Variants in ST6GALNAC1 observed in about 807,000 individuals in gnomAD.
ST6GALNAC1 encodes alpha-N-acetylgalactosaminide alpha-2,6-sialyltransferase 1.
ST6GALNAC1 carries 45 observed loss-of-function variants against 56.8 expected under a neutral mutation model. The observed-to-expected ratio is 0.79, with a 90% CI of 0.62 to 1.02. ST6GALNAC1 has a LOEUF of 1.02. ST6GALNAC1 is among the 50% of genes least tolerant of loss of function. ST6GALNAC1 has a pLI of 0.00. For synonymous variants in ST6GALNAC1, 295 were observed against 297.8 expected (o/e 0.99, Z 0.10); for missense variants, 743 against 754.8 (o/e 0.98, Z 0.18).
chr17:76,626,250 C>T (rs755344364), intron 6 of ST6GALNAC1, 39 bp downstream of exon 6: 1 of 1,605,686 alleles, frequency 6.2e-7, no homozygotes, highest in South Asian at 1.1e-5. Flanking sequence ...TGACATGGCT[C>T]AGCCTGGGAT....
downstream of ST6GALNAC1, among the ~76,000 whole-genome samples, chr17:76,621,583 C>T (rs1019724005): frequency 1.3e-5 from 2 of 152,120 alleles, no homozygotes; most frequent in African/African-American, 4.8e-5. Context: ...TCAAGCAATG[C>T]TCCTGCCTCA....
chr17:76,636,485 A>G (rs1173726578), intron 1 of ST6GALNAC1, among the ~76,000 whole-genome samples: 1 of 151,750 alleles, frequency 6.6e-6, no homozygotes, highest in Non-Finnish European at 1.5e-5. Flanking sequence ...AGACCCCTGG[A>G]AAAAAAAAGA....
chr17:76,622,643 G>A (rs567388284), downstream of ST6GALNAC1, among the ~76,000 whole-genome samples: 1 of 152,172 alleles, frequency 6.6e-6, no homozygotes, highest in African/African-American at 2.4e-5. Context: ...GATTATAGGC[G>A]TGAGCCACCG....
At position 76,625,527 on chromosome 17, in the gene ST6GALNAC1, C is replaced by A; in HGVS notation, c.1606G>T (p.Val536Leu). The change falls in exon 9 of 9, where the codon GTG becomes TTG. Residue 536 changes from valine (V) to leucine (L), a missense_variant and splice_region_variant. Physicochemically the swap from Val to Leu is conservative, Grantham distance 32 (BLOSUM62 1). Coordinates refer to ENST00000156626, the MANE Select transcript of ST6GALNAC1 (RefSeq NM_018414.5). ...LLTALQLCDQ[V>L]SAYGFITEGH... ...TCAGTGATGAAGCCATAAGCACTCACCTACATCACGGTTGGAGGAGAAACA... is the reference window on the plus strand; with the variant it reads ...TCAGTGATGAAGCCATAAGCACTCAACTACATCACGGTTGGAGGAGAAACA... The A allele has an allele frequency of 6.2e-7, 1 of 1,613,636 alleles. No individual in the cohort carries two copies. Among genetic ancestry groups the A allele is most frequent in the Non-Finnish European group, 8.5e-7 (1 of 1,180,010 alleles).
chr17:76,630,888 A>AT (rs939007475), intron 1 of ST6GALNAC1, among the ~76,000 whole-genome samples: 4,454 of 123,306 alleles, frequency 0.036, 211 homozygotes, highest in African/African-American at 0.11. Flanking sequence ...ACCGCGCCCA[A>AT]TTTTTTTTTT....
At chr17:76,618,296 G>A in the ST6GALNAC1 span, among the ~76,000 whole-genome samples, 7 of 152,136 alleles carry the variant, frequency 4.6e-5, no homozygotes, top group South Asian at 2.1e-4. Context: ...AGGAGAATGC[G>A]GGTGTGGGGG....
In ST6GALNAC1 at chr17:76,629,425, T is replaced by G; in HGVS notation, c.418A>C (p.Arg140=). The change falls in exon 2 of 9, where the codon AGA becomes CGA. Residue 140 remains arginine (R), a synonymous_variant. Transcript: ENST00000156626. The stretch of plus-strand genomic sequence containing the variant: ...GAGGCCATCCCTGCATCTTGCCCTC[T>G]GGGTGACAGTGTGTTCACCATGGTT... The part of the protein sequence containing the change: ...EKTMVNTLSP[R]GQDAGMASGR... The G allele has an allele frequency of 6.2e-7, 1 of 1,614,214 alleles. No individual in the cohort carries two copies. Among genetic ancestry groups the G allele is most frequent in the Non-Finnish European group, 8.5e-7 (1 of 1,180,032 alleles).
chr17:76,639,675 A>G lies in ST6GALNAC1; in HGVS notation c.131+3833T>C, dbSNP rs1412416608. Among the ~76,000 whole-genome samples, 28 of 147,190 alleles carry G rather than the reference A, an allele frequency of 1.9e-4. 1 individual carries two copies. The stretch of plus-strand genomic sequence containing the variant: ...CACACACACACACACACACACACAC[A>G]CACACACACACACACACACACTAGG... On this transcript the variant is annotated intron_variant, in intron 1 of 8. Coordinates refer to ENST00000156626, the MANE Select transcript of ST6GALNAC1 (RefSeq NM_018414.5).
At chr17:76,636,570 A>G (rs923731282) in intron 1 of ST6GALNAC1, among the ~76,000 whole-genome samples, 2 of 152,106 alleles carry the variant, frequency 1.3e-5, no homozygotes, top group African/African-American at 4.8e-5. Context: ...ACGCCACTGC[A>G]CTCCAGCCTG....
At position 76,627,098 on chromosome 17, in the gene ST6GALNAC1, G is replaced by A. The variant is rs770273240; in HGVS notation, c.1141C>T (p.Gln381Ter). ...ACGTAGTCGTGACTGTCTATCTCCT[G>A]GCCCATGTGGGAGTTGTTCAGGATG... is the stretch of plus-strand genomic sequence containing the variant. ...GGILNNSHMG[Q>*]EIDSHDYVFR... is the part of the protein sequence containing the mutation. Residue 381 changes from glutamine (Q) to a stop codon, truncating the protein, a stop_gained, in exon 4 of 9, where the codon CAG becomes TAG. Coordinates refer to ENST00000156626, the MANE Select transcript of ST6GALNAC1 (RefSeq NM_018414.5). LOFTEE classifies it high-confidence loss of function. This position sits in a 1 kb window ranked among gnomAD's most constrained non-coding sequence, Gnocchi z 4.4. 3.6e-5 allele frequency: 56 copies of A among 1,573,362 alleles called. No individual in the cohort carries two copies. In the Admixed American group the frequency reaches 1.0e-3, roughly 29 times the overall value.
downstream of ST6GALNAC1, among the ~76,000 whole-genome samples, chr17:76,624,237 T>G (rs1329346200): frequency 6.6e-6 from 1 of 151,990 alleles, no homozygotes. Context: ...ATTTGTTTAT[T>G]TATTTATTAT....
chr17:76,618,220 A>G, the ST6GALNAC1 span, among the ~76,000 whole-genome samples: 1 of 152,332 alleles, frequency 6.6e-6, no homozygotes, highest in South Asian at 2.1e-4. Context: ...GGCTATTATT[A>G]TTCCCTCTAG....
At chr17:76,631,131 A>G (rs1170253942) in intron 1 of ST6GALNAC1, among the ~76,000 whole-genome samples, 4 of 151,042 alleles carry the variant, frequency 2.6e-5, no homozygotes, top group African/African-American at 9.7e-5. Context: ...GTGTTTAGAG[A>G]CTGGATCTCA....
At position 76,643,658 on chromosome 17, in the gene ST6GALNAC1, G is replaced by A; in HGVS notation, c.-20C>T. 6.2e-7 allele frequency: 1 copy of A among 1,612,948 alleles called. No individual in the cohort carries two copies. The highest frequency in any genetic ancestry group is 8.5e-7 in the Non-Finnish European group (1 of 1,179,452). On this transcript the variant is annotated 5_prime_UTR_variant, in exon 1 of 9. Coordinates refer to ENST00000156626, the MANE Select transcript of ST6GALNAC1 (RefSeq NM_018414.5). Reference sequence around the variant, plus strand: ...CCTCATGGTGGTGGGTCGGGTTCTAGAGGAAGGTTCTGCATGTCCTGGGGC... The same window carrying A: ...CCTCATGGTGGTGGGTCGGGTTCTAAAGGAAGGTTCTGCATGTCCTGGGGC...
At position 76,629,020 on chromosome 17, in the gene ST6GALNAC1, G is replaced by A. The variant is rs764046282; in HGVS notation, c.823C>T (p.Leu275Phe). Residue 275 changes from leucine to phenylalanine, a missense_variant, in exon 2 of 9, where the codon CTT (leucine) becomes TTT (phenylalanine). Coordinates refer to ENST00000156626, the MANE Select transcript of ST6GALNAC1 (RefSeq NM_018414.5). ...EEKYSFEIGG[L>F]QTTCPDSVKI... ...TGGTGGCAAAAACTCACCGTCTGAA[G>A]GCCTCCTATTTCGAAGCTGTATTTT... The A allele has an allele frequency of 6.5e-7, 1 of 1,528,632 alleles. No homozygotes were observed. The highest frequency in any genetic ancestry group is 8.8e-7 in the Non-Finnish European group (1 of 1,139,392). The allele number at this position is 1,528,632 out of a possible 1,614,324, so 94.7% of individuals were successfully genotyped here. A position where few individuals can be genotyped will look rare whatever the true frequency, so the allele number is the denominator to read the frequency against.
rs540427300 is a variant in ST6GALNAC1 at position 76,643,689 on chromosome 17, T to A, written c.-51A>T. ...GGTTCTGCATGTCCTGGGGCCTTGA[T>A]GTAGGCAGCTGGGAGTCTCACCGCT... On this transcript the variant is annotated 5_prime_UTR_variant, in exon 1 of 9. Transcript: ENST00000156626. 6.3e-7 allele frequency: 1 copy of A among 1,593,378 alleles called. No homozygotes were observed. The highest frequency in any genetic ancestry group is 2.2e-5 in the East Asian group (1 of 44,484).
In ST6GALNAC1 at chr17:76,625,666, C is replaced by T. The variant is rs995977477; in HGVS notation, c.1606-139G>A. The T allele has an allele frequency of 2.0e-4, 237 of 1,160,202 alleles. No individual in the cohort carries two copies. The Middle Eastern group carries it at 2.6e-3, about 13-fold the overall frequency. The allele number at this position is 1,160,202 out of a possible 1,614,324, so 71.9% of individuals were successfully genotyped here. A position where few individuals can be genotyped will look rare whatever the true frequency, so the allele number is the denominator to read the frequency against. On this transcript the variant is annotated intron_variant, in intron 8 of 8. Coordinates refer to ENST00000156626, the MANE Select transcript of ST6GALNAC1 (RefSeq NM_018414.5). ...GGGTCTGGGTGCAGGTCCCTGGATA[C>T]GCACGCATAACTGCATGCACCCATA...
chr17:76,628,774 TGTCCACACCAGGG>T (rs1178602999), intron 2 of ST6GALNAC1, among the ~76,000 whole-genome samples: 1 of 152,182 alleles, frequency 6.6e-6, no homozygotes, highest in African/African-American at 2.4e-5. Flanking sequence ...CCTCTTACGC[TGTCCACACCAGGG>T]GTCCGGGGCC....
rs2143415118 is a variant in ST6GALNAC1 at position 76,626,372 on chromosome 17, G to A, written c.1332C>T (p.Phe444=). Residue 444 remains phenylalanine (F), a synonymous_variant, in exon 6 of 9, where the codon TTC becomes TTT. Coordinates refer to ENST00000156626, the MANE Select transcript of ST6GALNAC1 (RefSeq NM_018414.5). The stretch of plus-strand genomic sequence containing the variant: ...ACTCATAGTCCCGGGTGCCTTCCAG[G>A]AAGTGCAAGTAGCGGACGTCCTGAG... ...PLGKDVRYLH[F]LEGTRDYEWL... is the part of the protein sequence containing the mutation. The A allele has an allele frequency of 6.2e-7, 1 of 1,614,160 alleles. No individual in the cohort carries two copies. The highest frequency in any genetic ancestry group is 2.2e-5 in the East Asian group (1 of 44,892).
Sources: gnomAD v4.1 joint callset for allele counts (sites outside exome capture counted in the v4.1 genomes callset) on GRCh38, gnomAD v4.1.1 for gene constraint, Gnocchi (gnomAD v3.1) non-coding constraint, MANE v1.5 for transcripts, NCBI Gene and HGNC (gene_info 2026-07-23, HGNC 2026-07-21) for gene names.